SLC4A10: variants seen among roughly 807,000 people sequenced by gnomAD.
SLC4A10 encodes the protein solute carrier family 4 member 10.
Under a neutral mutation model 137.7 loss-of-function variants are expected in SLC4A10, and 42 were observed. The ratio of observed to expected loss-of-function variants is 0.30; its 90% confidence interval spans 0.24 to 0.39. SLC4A10 has a LOEUF of 0.39. SLC4A10 is among the 10% of genes least tolerant of loss of function. The probability of loss-of-function intolerance (pLI) is 1.00; values close to 1 mark genes in which losing one functional copy is unlikely to be tolerated. For missense variants in SLC4A10, 925 were observed against 1,355.0 expected, an observed-to-expected ratio of 0.68 and a Z score of 4.98; for synonymous variants, 474 against 464.1, an observed-to-expected ratio of 1.02 and a Z score of -0.27.
intron 1 of SLC4A10, among the ~76,000 whole-genome samples, chr2:161,702,812 A>T (rs960144978): frequency 6.6e-6 from 1 of 151,844 alleles, no homozygotes; most frequent in Non-Finnish European, 1.5e-5. Flanking sequence ...TATGTTCTCT[A>T]TGGATCAGCA....
intron 1 of SLC4A10, among the ~76,000 whole-genome samples, chr2:161,749,284 C>T (rs1056954951): frequency 7.2e-5 from 11 of 151,802 alleles, no homozygotes; most frequent in African/African-American, 2.7e-4. Flanking sequence ...TCTAATTGCT[C>T]TTGCTACTAT....
At chr2:161,975,239 GT>G (rs903200202) in intron 24 of SLC4A10, among the ~76,000 whole-genome samples, 9 of 151,832 alleles carry the variant, frequency 5.9e-5, no homozygotes, top group Admixed American at 3.3e-4. Context: ...TTAAAATCCT[GT>G]TGATTGTTTA....
At chr2:161,945,872 G>A (rs146690407) in intron 16 of SLC4A10, among the ~76,000 whole-genome samples, 12 of 151,956 alleles carry the variant, frequency 7.9e-5, no homozygotes, top group African/African-American at 1.7e-4. Context: ...ACAAGATCCC[G>A]CCAAATGACT....
At chr2:161,648,649 A>T (rs951824899) in intron 1 of SLC4A10, among the ~76,000 whole-genome samples, 1 of 152,230 alleles carries the variant, frequency 6.6e-6, no homozygotes, top group Admixed American at 6.5e-5. Flanking sequence ...CCACTGTTTC[A>T]GTTTGGTGAC....
intron 1 of SLC4A10, among the ~76,000 whole-genome samples, chr2:161,647,233 C>T (rs1510084): frequency 0.78 from 118,862 of 151,874 alleles, 46,930 homozygotes; most frequent in East Asian, 0.85. Context: ...ACATGCCTAT[C>T]ATGTTTAATG....
At chr2:161,679,201 T>C (rs968948703) in intron 1 of SLC4A10, among the ~76,000 whole-genome samples, 2 of 152,174 alleles carry the variant, frequency 1.3e-5, no homozygotes, top group South Asian at 4.1e-4. Flanking sequence ...AAGACTCTTG[T>C]ACTCTAGGTT....
At chr2:161,954,901 C>T (rs761580450) in intron 19 of SLC4A10, among the ~76,000 whole-genome samples, 5 of 152,062 alleles carry the variant, frequency 3.3e-5, no homozygotes, top group African/African-American at 9.7e-5. Flanking sequence ...ATCACTATCG[C>T]GACAAAGATC....
chr2:161,656,101 C>G (rs765374583), intron 1 of SLC4A10, among the ~76,000 whole-genome samples: 1 of 152,102 alleles, frequency 6.6e-6, no homozygotes, highest in Admixed American at 6.5e-5. Flanking sequence ...CATGAGCCAC[C>G]AGGCCCAGCC....
chr2:161,824,473 T>C lies in SLC4A10; in HGVS notation c.278-15316T>C, dbSNP rs562733465. 1.6e-4 allele frequency among the ~76,000 whole-genome samples: 24 copies of C among 152,172 alleles called. 1 individual carries two copies. Among genetic ancestry groups the C allele is most frequent in the African/African-American group, 5.1e-4 (21 of 41,518 alleles). The stretch of plus-strand genomic sequence containing the variant: ...CCAATCAAGGAAATTATGAAACAGA[T>C]TGTGAATATGGCGAAAAAGGTGGGG... On this transcript the variant is annotated intron_variant, in intron 3 of 26. Transcript: ENST00000446997.
At chr2:161,784,870 G>C (rs2053448082) in intron 2 of SLC4A10, among the ~76,000 whole-genome samples, 1 of 150,018 alleles carries the variant, frequency 6.7e-6, no homozygotes, top group African/African-American at 2.4e-5. Flanking sequence ...TAGACCCAAA[G>C]TTAGCTGATA....
chr2:161,675,890 C>A (rs1056980600), intron 1 of SLC4A10, among the ~76,000 whole-genome samples: 3 of 152,156 alleles, frequency 2.0e-5, no homozygotes, highest in Non-Finnish European at 2.9e-5. Context: ...TTCCTCTATG[C>A]CTATTTTAAA....
At chr2:161,924,874 A>C (rs1364056477) in intron 15 of SLC4A10, among the ~76,000 whole-genome samples, 1 of 152,170 alleles carries the variant, frequency 6.6e-6, no homozygotes, top group Non-Finnish European at 1.5e-5. Context: ...GTAAAGCAAA[A>C]TGAATGGAGA....
intron 16 of SLC4A10, among the ~76,000 whole-genome samples, chr2:161,945,743 T>G (rs986938885): frequency 6.6e-6 from 1 of 151,838 alleles, no homozygotes; most frequent in African/African-American, 2.4e-5. Context: ...AAAGAGAAAA[T>G]AAATAACATT....
intron 9 of SLC4A10, among the ~76,000 whole-genome samples, chr2:161,881,401 G>T (rs1368211038): frequency 6.6e-6 from 1 of 151,944 alleles, no homozygotes; most frequent in Non-Finnish European, 1.5e-5. Flanking sequence ...GGGTTCAGTT[G>T]TCACTGGCAC....
chr2:161,879,362 T>G, intron 9 of SLC4A10, 74 bp downstream of exon 9: 1 of 1,412,322 alleles, frequency 7.1e-7, no homozygotes, highest in South Asian at 1.5e-5. Context: ...GGATTCAATG[T>G]AATTTTCTGT....
At chr2:161,677,867 A>G (rs1361840486) in intron 1 of SLC4A10, among the ~76,000 whole-genome samples, 1 of 152,168 alleles carries the variant, frequency 6.6e-6, no homozygotes, top group Non-Finnish European at 1.5e-5. Context: ...TTTTCTGTCT[A>G]TGATTCTTAC....
chr2:161,772,817 C>T (rs1188838525), intron 2 of SLC4A10, among the ~76,000 whole-genome samples: 1 of 151,838 alleles, frequency 6.6e-6, no homozygotes, highest in Non-Finnish European at 1.5e-5. Flanking sequence ...AACAATCTAG[C>T]ATTTGAAGAT....
chr2:161,666,483 A>G (rs2039063055), intron 1 of SLC4A10, among the ~76,000 whole-genome samples: 1 of 151,666 alleles, frequency 6.6e-6, no homozygotes, highest in East Asian at 1.9e-4. Context: ...ACAGGGCCCA[A>G]TCTCTACCAA....
At chr2:161,687,019 C>CT (rs1360778495) in intron 1 of SLC4A10, among the ~76,000 whole-genome samples, 1 of 151,698 alleles carries the variant, frequency 6.6e-6, no homozygotes, top group Non-Finnish European at 1.5e-5. Context: ...AGTAGCTGGA[C>CT]TATAGGCACA....
Sources: allele counts gnomAD v4.1 joint callset (sites outside exome capture counted in the v4.1 genomes callset), GRCh38; gene constraint gnomAD v4.1.1; transcripts MANE v1.5; gene names NCBI Gene and HGNC (gene_info 2026-07-23, HGNC 2026-07-21).